DNASE2B: variants seen among roughly 807,000 people sequenced by gnomAD.
DNASE2B encodes deoxyribonuclease 2 beta.
A neutral mutation model predicts 46.0 loss-of-function variants in DNASE2B; 43 were observed. That is an observed-to-expected ratio of 0.94 (90% confidence interval 0.73 to 1.21). The LOEUF is 1.21. Ranked by LOEUF, DNASE2B falls within the 50% of genes most tolerant of loss-of-function variation. The probability of loss-of-function intolerance (pLI) is 0.00; values close to 1 mark genes in which losing one functional copy is unlikely to be tolerated. For missense variants in DNASE2B, 395 were observed against 414.4 expected (o/e 0.95, Z 0.41); for synonymous variants, 156 against 152.5 (o/e 1.02, Z -0.17).
chr1:84,403,376 T>A (rs1680452261), intron 2 of DNASE2B, among the ~76,000 whole-genome samples: 1 of 152,232 alleles, frequency 6.6e-6, no homozygotes, highest in African/African-American at 2.4e-5. Context: ...TCTTATATAC[T>A]ATATTCTTAC....
At chr1:84,402,163 C>T in intron 2 of DNASE2B, 85 bp downstream of exon 2, 1 of 1,337,872 alleles carries the variant, frequency 7.5e-7, no homozygotes, top group Non-Finnish European at 1.0e-6. Flanking sequence ...TTTCTGTTCA[C>T]CCACCCAACC....
chr1:84,412,469 GC>G lies in DNASE2B; in HGVS notation c.669del (p.Arg224GlyfsTer36). ...AGGGCCAGCTCATCAGAGATTCCTG[GC>G]AGGCTCCTCACCACACTTCAGTCGG... is the stretch of plus-strand genomic sequence containing the variant. ...CTRASSSEIP[G>X]RLLTTLQSAQ... On this transcript the variant is annotated frameshift_variant, in exon 5 of 6. Transcript: ENST00000370665. LOFTEE classifies it high-confidence loss of function. 6.2e-7 allele frequency: 1 copy of G among 1,613,914 alleles called. No individual in the cohort carries two copies. Among genetic ancestry groups the G allele is most frequent in the Non-Finnish European group, 8.5e-7 (1 of 1,179,910 alleles).
intron 1 of DNASE2B, among the ~76,000 whole-genome samples, chr1:84,400,543 T>A (rs1313407934): frequency 1.3e-5 from 2 of 152,130 alleles, no homozygotes; most frequent in East Asian, 3.9e-4. Context: ...CATCTTTGAG[T>A]TTAGGTTTCT....
chr1:84,398,679 G>A lies in DNASE2B; in HGVS notation c.115G>A (p.Ala39Thr). ...TISCRNEEGK[A>T]VDWFTFYKLP... The stretch of plus-strand genomic sequence containing the variant: ...TTCATGCAGAAATGAAGAAGGGAAA[G>A]CTGTGGACTGGTAGGTAAATGAAAT... Residue 39 changes from alanine (A) to threonine (T), a missense_variant, in exon 1 of 6, where the codon GCT (alanine) becomes ACT (threonine). Physicochemically the swap from Ala to Thr is moderately conservative, Grantham distance 58. Coordinates refer to ENST00000370665, the MANE Select transcript of DNASE2B (RefSeq NM_021233.3). The A allele has an allele frequency of 6.2e-7, 1 of 1,613,860 alleles. No individual in the cohort carries two copies. Among genetic ancestry groups the A allele is most frequent in the Non-Finnish European group, 8.5e-7 (1 of 1,179,774 alleles).
At chr1:84,412,660 CA>C in intron 5 of DNASE2B, 114 bp downstream of exon 5, 1 of 1,113,292 alleles carries the variant, frequency 9.0e-7, no homozygotes, top group East Asian at 2.7e-5. Flanking sequence ...AAAAAGGGAG[CA>C]AAAGAAAAGG....
At position 84,398,521 on chromosome 1, in the gene DNASE2B, C is replaced by G; in HGVS notation, c.-44C>G. On this transcript the variant is annotated 5_prime_UTR_variant, in exon 1 of 6. Transcript: ENST00000370665. ...GCCTGAGAGCGCCTTGAAACTCAGA[C>G]TCCACAATCTATGGGGAAAGTGTCC... 1 of 1,608,202 alleles carries G rather than the reference C, an allele frequency of 6.2e-7. No homozygotes were observed. The highest frequency in any genetic ancestry group is 8.5e-7 in the Non-Finnish European group (1 of 1,176,392).
At chr1:84,412,872 C>T (rs1300435520) in intron 5 of DNASE2B, among the ~76,000 whole-genome samples, 1 of 151,926 alleles carries the variant, frequency 6.6e-6, no homozygotes, top group African/African-American at 2.4e-5. Context: ...CTTTACACTA[C>T]TCTGCACCCT....
At position 84,415,010 on chromosome 1, in the gene DNASE2B, AC is replaced by A; in HGVS notation, c.*144del. The stretch of plus-strand genomic sequence containing the variant: ...AATAAAACATTTTTCTCTCATGTTT[AC>A]CATTTAATCTTCTATTTAATGGTAA... On this transcript the variant is annotated 3_prime_UTR_variant, in exon 6 of 6. Coordinates refer to ENST00000370665, the MANE Select transcript of DNASE2B (RefSeq NM_021233.3). The A allele has an allele frequency of 1.6e-6, 1 of 625,248 alleles. No homozygotes were observed. Among genetic ancestry groups the A allele is most frequent in the South Asian group, 2.4e-5 (1 of 41,092 alleles). 38.7% of individuals were successfully genotyped at this position (625,248 alleles called of 1,614,324 possible).
chr1:84,407,752 T>G (rs1680515376), intron 2 of DNASE2B, among the ~76,000 whole-genome samples: 1 of 152,100 alleles, frequency 6.6e-6, no homozygotes, highest in African/African-American at 2.4e-5. Flanking sequence ...GGCTCTAAGA[T>G]TTGGCTGTTT....
At chr1:84,401,582 G>C (rs1680420934) in intron 1 of DNASE2B, among the ~76,000 whole-genome samples, 2 of 152,138 alleles carry the variant, frequency 1.3e-5, no homozygotes, top group Admixed American at 1.3e-4. Flanking sequence ...CTGGGCCTTG[G>C]CCTTCTCTCC....
At chr1:84,408,653 G>A in intron 3 of DNASE2B, 135 bp downstream of exon 3, 1 of 620,794 alleles carries the variant, frequency 1.6e-6, no homozygotes, top group Non-Finnish European at 2.5e-6. Flanking sequence ...TTATTGAAAT[G>A]TATGACTTCT....
At chr1:84,401,158 T>C (rs1287247327) in intron 1 of DNASE2B, among the ~76,000 whole-genome samples, 1 of 152,188 alleles carries the variant, frequency 6.6e-6, no homozygotes, top group Non-Finnish European at 1.5e-5. Flanking sequence ...TTTGATAATG[T>C]CTGGAGATAA....
At chr1:84,399,823 G>A (rs1440485581) in intron 1 of DNASE2B, among the ~76,000 whole-genome samples, 1 of 152,148 alleles carries the variant, frequency 6.6e-6, no homozygotes, top group Non-Finnish European at 1.5e-5. Context: ...GGGAGCTATT[G>A]GAGGACTTCA....
rs779621968 is a variant in DNASE2B at position 84,408,439 on chromosome 1, TAAC to T, written c.311_313del (p.Asn104del). The T allele has an allele frequency of 1.2e-6, 2 of 1,606,220 alleles. No individual in the cohort carries two copies. Among genetic ancestry groups the T allele is most frequent in the East Asian group, 2.2e-5 (1 of 44,570 alleles). ...ATAACCCTAATATATTCCTGCAGAG[TAAC>T]AACACAGCCTATCTAATATACAATG... On this transcript the variant is annotated inframe_deletion, in exon 3 of 6. Coordinates refer to ENST00000370665, the MANE Select transcript of DNASE2B (RefSeq NM_021233.3).
intron 2 of DNASE2B, 140 bp from the exon 3 acceptor site, chr1:84,408,297 A>C: frequency 1.6e-6 from 2 of 1,266,846 alleles, no homozygotes; most frequent in Non-Finnish European, 2.0e-6. Flanking sequence ...TTGATGGGGA[A>C]GCTGCCTATT....
intron 1 of DNASE2B, among the ~76,000 whole-genome samples, 169 bp from the exon 2 acceptor site, chr1:84,401,732 A>G (rs1680422653): frequency 6.6e-6 from 1 of 152,200 alleles, no homozygotes; most frequent in Non-Finnish European, 1.5e-5. Flanking sequence ...TTCTCTGGGG[A>G]GGAGCAAAGA....
At chr1:84,403,414 G>A (rs1680452803) in intron 2 of DNASE2B, among the ~76,000 whole-genome samples, 1 of 152,156 alleles carries the variant, frequency 6.6e-6, no homozygotes, top group Non-Finnish European at 1.5e-5. Flanking sequence ...AAAGGAAAAT[G>A]TTATTAAGAG....
rs551684597 is a variant in DNASE2B, at chr1:84,408,753, T to C, written c.385+235T>C. Among the ~76,000 whole-genome samples the C allele has an allele frequency of 1.5e-3, 234 of 152,020 alleles. 1 individual carries two copies. Among genetic ancestry groups the C allele is most frequent in the African/African-American group, 5.4e-3 (226 of 41,494 alleles). ...TTATTTCTTAACATATTTTAAAATATTTGCTTTGCAGCAGCAGGAATCCAG... is the reference window on the plus strand; with the variant it reads ...TTATTTCTTAACATATTTTAAAATACTTGCTTTGCAGCAGCAGGAATCCAG... On this transcript the variant is annotated intron_variant, in intron 3 of 5. Transcript: ENST00000370665.
intron 1 of DNASE2B, among the ~76,000 whole-genome samples, chr1:84,400,237 G>A (rs778209485): frequency 1.3e-5 from 2 of 152,160 alleles, no homozygotes; most frequent in South Asian, 2.1e-4. Flanking sequence ...GCATGGTGAC[G>A]CATGCCTGTA....
Sources: gnomAD v4.1 joint callset for allele counts (sites outside exome capture counted in the v4.1 genomes callset) on GRCh38, gnomAD v4.1.1 for gene constraint, MANE v1.5 for transcripts, NCBI Gene and HGNC (gene_info 2026-07-23, HGNC 2026-07-21) for gene names.